DDC: variants seen among roughly 807,000 people sequenced by gnomAD.
DDC encodes the protein dopa decarboxylase.
A neutral mutation model predicts 60.0 loss-of-function variants in DDC; 43 were observed. The ratio of observed to expected loss-of-function variants is 0.72; its 90% CI spans 0.56 to 0.92. The LOEUF is 0.92. DDC is among the 40% of genes least tolerant of loss of function. The pLI, the probability that DDC is intolerant of heterozygous loss-of-function variation, is 0.00. For synonymous variants in DDC, 232 were observed against 234.6 expected (o/e 0.99, Z 0.10); for missense variants, 573 against 620.2 (o/e 0.92, Z 0.81).
Position 50,531,085 on chromosome 7 carries a change from TA to T in DDC, c.436-1744del, listed in dbSNP as rs112275651. ...TATATGCGTCTCTTAATTCAGCATC[TA>T]AAATGGGTACTTTATTTCCTTCAGG... On this transcript the variant is annotated intron_variant, in intron 4 of 14. Transcript: ENST00000444124. 9.8e-3 allele frequency among the ~76,000 whole-genome samples: 1,497 copies of T among 152,330 alleles called. 24 individuals are homozygous for T. The highest frequency in any genetic ancestry group is 0.034 in the African/African-American group (1,428 of 41,574).
chr7:50,528,540 T>G (rs1209345742), intron 5 of DDC, among the ~76,000 whole-genome samples: 10 of 152,094 alleles, frequency 6.6e-5, no homozygotes, highest in Non-Finnish European at 1.5e-5. Context: ...GCTGGGTCAA[T>G]ATTTATGAAG....
At chr7:50,535,157 T>C (rs1322672106) in intron 4 of DDC, among the ~76,000 whole-genome samples, 1 of 152,072 alleles carries the variant, frequency 6.6e-6, no homozygotes, top group Non-Finnish European at 1.5e-5. Context: ...TTTTCTTTTC[T>C]TTCTTTTTTT....
chr7:50,495,414 C>A lies in DDC; in HGVS notation c.880G>T (p.Ala294Ser). 6.2e-7 allele frequency: 1 copy of A among 1,608,766 alleles called. No homozygotes were observed. The highest frequency in any genetic ancestry group is 1.1e-5 in the South Asian group (1 of 90,934). The change falls in exon 9 of 15, where the codon GCA (alanine) becomes TCA (serine). Residue 294 changes from alanine to serine, a missense_variant. Coordinates refer to ENST00000444124, the MANE Select transcript of DDC (RefSeq NM_001082971.2). The part of the protein sequence containing the change: ...FRHLLNGVEF[A>S]DSFNFNPHKW... Reference sequence around the variant, plus strand: ...TGGGGATTAAAGTTGAATGAATCTGCAAACTGCCAAAGAACAAGAGTAAGA... The same window carrying A: ...TGGGGATTAAAGTTGAATGAATCTGAAAACTGCCAAAGAACAAGAGTAAGA...
intron 6 of DDC, among the ~76,000 whole-genome samples, chr7:50,515,730 A>T (rs995831514): frequency 6.6e-6 from 1 of 152,192 alleles, no homozygotes; most frequent in Non-Finnish European, 1.5e-5. Flanking sequence ...GGGGTGGAAA[A>T]AGGCATTTCA....
chr7:50,552,793 T>A (rs181872844), intron 1 of DDC, among the ~76,000 whole-genome samples: 2 of 152,342 alleles, frequency 1.3e-5, no homozygotes, highest in East Asian at 3.9e-4. Context: ...TAATATACCC[T>A]ATTGGACTCT....
chr7:50,554,871 A>G (rs543956097), intron 1 of DDC, among the ~76,000 whole-genome samples: 239 of 152,312 alleles, frequency 1.6e-3, no homozygotes, highest in African/African-American at 5.6e-3. Context: ...TCACATGGGT[A>G]AAAAGCAACA....
intron 6 of DDC, among the ~76,000 whole-genome samples, chr7:50,522,098 A>G (rs1489133220): frequency 1.3e-5 from 2 of 152,182 alleles, no homozygotes; most frequent in Non-Finnish European, 2.9e-5. Context: ...GGATAAAATG[A>G]TAATATTAGA....
At chr7:50,539,684 C>T (rs867316875) in intron 3 of DDC, 76 of 526,096 alleles carry the variant, frequency 1.4e-4, no homozygotes, top group Middle Eastern at 5.4e-4. Context: ...GCTTCCAACA[C>T]AGCCTGTGCA....
At chr7:50,550,082 C>T (rs570735466) in intron 1 of DDC, among the ~76,000 whole-genome samples, 1 of 152,324 alleles carries the variant, frequency 6.6e-6, no homozygotes, top group South Asian at 2.1e-4. Context: ...CAAACAGCAT[C>T]ACATGCTACA....
intron 8 of DDC, among the ~76,000 whole-genome samples, chr7:50,497,107 T>C (rs2043143149): frequency 6.6e-6 from 1 of 152,178 alleles, no homozygotes; most frequent in Non-Finnish European, 1.5e-5. Flanking sequence ...CAGTGATATT[T>C]TCCTCCTGCC....
At chr7:50,560,446 T>C (rs1248831532) in intron 1 of DDC, among the ~76,000 whole-genome samples, 1 of 152,192 alleles carries the variant, frequency 6.6e-6, no homozygotes, top group Non-Finnish European at 1.5e-5. Context: ...ATTGAGCACC[T>C]ATTGTGTGCC....
At chr7:50,551,425 G>T (rs913169044) in intron 1 of DDC, among the ~76,000 whole-genome samples, 3 of 151,710 alleles carry the variant, frequency 2.0e-5, no homozygotes, top group Non-Finnish European at 2.9e-5. Flanking sequence ...TAGAAACAGG[G>T]TTTCACCATG....
intron 7 of DDC, among the ~76,000 whole-genome samples, chr7:50,502,476 G>T (rs1237795255): frequency 6.6e-6 from 1 of 152,232 alleles, no homozygotes; most frequent in Non-Finnish European, 1.5e-5. Context: ...AGGACATTCA[G>T]TTCTTAGCCT....
Position 50,464,117 on chromosome 7 carries a change from G to A in DDC, c.1243-686C>T, listed in dbSNP as rs145858676. ...TCTGTCCTTCTTCTGTTTGCAGGCA[G>A]TGACTCCATGTCTTCTAAGCCATGG... On this transcript the variant is annotated intron_variant, in intron 13 of 14. Transcript: ENST00000444124. 3.3e-5 allele frequency among the ~76,000 whole-genome samples: 5 copies of A among 152,008 alleles called. No homozygotes were observed. The East Asian group carries it at 9.7e-4, about 29-fold the overall frequency.
intron 1 of DDC, among the ~76,000 whole-genome samples, chr7:50,556,164 G>A (rs1033869196): frequency 4.6e-5 from 7 of 152,164 alleles, no homozygotes; most frequent in Admixed American, 4.6e-4. Context: ...CCGTGGCCAA[G>A]CCCCCTATCT....
intron 9 of DDC, among the ~76,000 whole-genome samples, chr7:50,482,015 T>C (rs1331740337): frequency 6.6e-6 from 1 of 152,204 alleles, no homozygotes; most frequent in Admixed American, 6.5e-5. Context: ...CAAACTACAC[T>C]GATGTGGACA....
chr7:50,499,064 C>A, intron 8 of DDC, 84 bp downstream of exon 8: 1 of 1,079,966 alleles, frequency 9.3e-7, no homozygotes, highest in South Asian at 1.2e-5. Flanking sequence ...TAGCAAGAGA[C>A]TGGACGTCAG....
At chr7:50,466,409 CGGG>C (rs1562979928) in intron 13 of DDC, among the ~76,000 whole-genome samples, 22 of 146,082 alleles carry the variant, frequency 1.5e-4, no homozygotes, top group African/African-American at 5.2e-4. Flanking sequence ...CACTTGAACC[CGGG>C]AGGCAGAGGT....
At chr7:50,465,140 G>C (rs963020027) in intron 13 of DDC, among the ~76,000 whole-genome samples, 1 of 152,130 alleles carries the variant, frequency 6.6e-6, no homozygotes, top group Admixed American at 6.5e-5. Context: ...TAACCTTGAC[G>C]ACATTATGCT....
Sources: allele counts gnomAD v4.1 joint callset (sites outside exome capture counted in the v4.1 genomes callset), GRCh38; gene constraint gnomAD v4.1.1; transcripts MANE v1.5; gene names NCBI Gene and HGNC (gene_info 2026-07-23, HGNC 2026-07-21).